CRACR2A: variants seen among roughly 807,000 people sequenced by gnomAD.
CRACR2A encodes the protein calcium release activated channel regulator 2A, also known as EF-hand calcium-binding domain-containing protein 4B.
Under a neutral mutation model 90.5 loss-of-function variants are expected in CRACR2A, and 79 were observed. That is an observed-to-expected ratio of 0.87 (90% CI 0.73 to 1.05). The LOEUF (loss-of-function observed/expected upper bound fraction) is 1.05. Ranked by LOEUF, CRACR2A falls within the 50% of genes least tolerant of loss-of-function variation. The pLI is 0.00. For missense variants in CRACR2A, 823 were observed against 897.2 expected, an observed-to-expected ratio of 0.92 and a Z score of 1.06; for synonymous variants, 338 against 356.7, an observed-to-expected ratio of 0.95 and a Z score of 0.59.
chr12:3,735,746 T>C (rs73247880), intron 1 of CRACR2A, among the ~76,000 whole-genome samples: 23,876 of 152,092 alleles, frequency 0.16, 2,074 homozygotes, highest in African/African-American at 0.2. Context: ...ACAGTGGCCG[T>C]CAGGAGAGAA....
rs74055980 is a variant in CRACR2A at position 3,682,089 on chromosome 12, G to A, written c.229-1740C>T. On this transcript the variant is annotated intron_variant, in intron 4 of 19. Transcript: ENST00000440314. ...AGGAGAGAGTCAATTTTGCAAGCAG[G>A]GATTTTATTAGCATCATTGGAAATA... Among the ~76,000 whole-genome samples the A allele has an allele frequency of 6.0e-3, 918 of 152,262 alleles. 12 individuals are homozygous for A. Among genetic ancestry groups the A allele is most frequent in the African/African-American group, 0.021 (862 of 41,538 alleles).
intron 19 of CRACR2A, among the ~76,000 whole-genome samples, 163 bp downstream of exon 19, chr12:3,616,791 T>C (rs1867692042): frequency 6.6e-6 from 1 of 152,200 alleles, no homozygotes. Flanking sequence ...TGCAATCCCA[T>C]ACAAAGGCCC....
chr12:3,620,526 T>A, intron 17 of CRACR2A, among the ~76,000 whole-genome samples: 1 of 152,248 alleles, frequency 6.6e-6, no homozygotes. Flanking sequence ...ATCTGTGCAT[T>A]CGTTTTTACT....
intron 17 of CRACR2A, among the ~76,000 whole-genome samples, chr12:3,621,717 T>G (rs925434101): frequency 1.7e-5 from 2 of 118,930 alleles, no homozygotes; most frequent in African/African-American, 3.4e-5. Context: ...TAAAGGAGCT[T>G]AGAAGGAGCA....
At chr12:3,643,700 T>C (rs1488975001) in intron 12 of CRACR2A, among the ~76,000 whole-genome samples, 1 of 142,270 alleles carries the variant, frequency 7.0e-6, no homozygotes, top group Non-Finnish European at 1.5e-5. Context: ...TGTGTGTGTA[T>C]ATATATATAT....
Position 3,691,892 on chromosome 12 carries a change from G to T in CRACR2A, c.228+4880C>A, listed in dbSNP as rs186365818. 5.2e-3 allele frequency among the ~76,000 whole-genome samples: 787 copies of T among 152,230 alleles called. 4 individuals carry two copies. Among genetic ancestry groups the T allele is most frequent in the Non-Finnish European group, 6.2e-3 (422 of 68,004 alleles). ...TTGTCTGACTGTCTTATTTCAGAAA[G>T]CCAGTCTTCAAGCTCTGAGATTCCT... On this transcript the variant is annotated intron_variant, in intron 4 of 19. Coordinates refer to ENST00000440314, the MANE Select transcript of CRACR2A (RefSeq NM_001144958.2).
At chr12:3,644,560 G>C in intron 12 of CRACR2A, 35 bp downstream of exon 12, 1 of 1,548,472 alleles carries the variant, frequency 6.5e-7, no homozygotes, top group Non-Finnish European at 8.7e-7. Context: ...CACAGCCCTT[G>C]GTCCCCCACA....
At chr12:3,661,041 T>C (rs374107438) in intron 7 of CRACR2A, among the ~76,000 whole-genome samples, 96 of 152,248 alleles carry the variant, frequency 6.3e-4, no homozygotes, top group African/African-American at 2.2e-3. Context: ...GGAATATATT[T>C]ATTCCCCTGA....
intron 4 of CRACR2A, among the ~76,000 whole-genome samples, chr12:3,685,580 G>A (rs576602422): frequency 2.0e-5 from 3 of 152,280 alleles, no homozygotes; most frequent in East Asian, 1.9e-4. Context: ...CACATGCTAC[G>A]ATACAGATGA....
rs760259289 is a variant in CRACR2A, at chr12:3,696,889, C to A, written c.111G>T (p.Glu37Asp). 3 of 1,614,142 alleles carry A rather than the reference C, an allele frequency of 1.9e-6. No individual in the cohort carries two copies. The highest frequency in any genetic ancestry group is 2.5e-6 in the Non-Finnish European group (3 of 1,180,058). The change falls in exon 4 of 20, where the codon GAG (glutamate) becomes GAT (aspartate). Residue 37 changes from glutamate to aspartate, a missense_variant. Coordinates refer to ENST00000440314, the MANE Select transcript of CRACR2A (RefSeq NM_001144958.2). ...ACGTTTGCTCCTGAGTCTCCTTCTG[C>A]TCCAGGCTGTCCAGGGGATGCAGGC... is the stretch of plus-strand genomic sequence containing the variant. ...GACLHPLDSL[E>D]QKETQEQTSG...
In CRACR2A at chr12:3,654,379, G is replaced by A. The variant is rs746404876; in HGVS notation, c.879C>T (p.Ala293=). ...KQKRLEGQCT[A]LHHDKHETKA... is the part of the protein sequence containing the mutation. ...TGGTCTCATGCTTGTCATGATGCAG[G>A]GCTGTGCACTGACCTTCCAGCTGCA... Residue 293 remains alanine (A), a synonymous_variant, in exon 10 of 20, where the codon GCC becomes GCT. Transcript: ENST00000440314. 1.3e-6 allele frequency: 2 copies of A among 1,597,838 alleles called. No homozygotes were observed. The highest frequency in any genetic ancestry group is 1.7e-6 in the Non-Finnish European group (2 of 1,173,976).
Position 3,656,366 on chromosome 12 carries a change from T to C in CRACR2A, c.803A>G (p.Gln268Arg). 1 of 1,614,170 alleles carries C rather than the reference T, an allele frequency of 6.2e-7. No individual in the cohort carries two copies. Residue 268 changes from glutamine to arginine, a missense_variant, in exon 9 of 20, where the codon CAG becomes CGG. Gln to Arg is a conservative substitution (Grantham distance 43). Transcript: ENST00000440314. ...RFQARSQELE[Q>R]KLLCKEQELE... is the part of the protein sequence containing the mutation. ...CTCCTGCTCCTTACATAACAGTTTC[T>C]GCTCCAGCTCTTGACTGCGGGCTTG...
chr12:3,664,636 T>C (rs1228576260), intron 7 of CRACR2A, among the ~76,000 whole-genome samples: 2 of 152,218 alleles, frequency 1.3e-5, no homozygotes, highest in Non-Finnish European at 2.9e-5. Context: ...CGACAACCTG[T>C]AGCAGAGATC....
intron 3 of CRACR2A, among the ~76,000 whole-genome samples, chr12:3,708,397 T>C (rs1054609537): frequency 6.6e-6 from 1 of 152,308 alleles, no homozygotes; most frequent in African/African-American, 2.4e-5. Flanking sequence ...CCATCCCTTA[T>C]CAGGTTCCCC....
At chr12:3,643,697 GTA>G (rs562173129) in intron 12 of CRACR2A, among the ~76,000 whole-genome samples, 7 of 140,286 alleles carry the variant, frequency 5.0e-5, no homozygotes, top group East Asian at 4.1e-4. Flanking sequence ...GTGTGTGTGT[GTA>G]TATATATATA....
chr12:3,635,167 C>CA (rs1465651650), intron 14 of CRACR2A, among the ~76,000 whole-genome samples: 1 of 152,166 alleles, frequency 6.6e-6, no homozygotes, highest in Non-Finnish European at 1.5e-5. Flanking sequence ...ATAGACACAG[C>CA]AATGGCTCAG....
At chr12:3,666,330 C>CGTGTGCGTGTGTGT (rs1555112059) in intron 7 of CRACR2A, among the ~76,000 whole-genome samples, 1 of 139,582 alleles carries the variant, frequency 7.2e-6, no homozygotes, top group Non-Finnish European at 1.6e-5. Context: ...AGGACGGCTG[C>CGTGTGCGTGTGTGT]GTGTGTGTGT....
intron 14 of CRACR2A, 87 bp downstream of exon 14, chr12:3,638,037 G>C: frequency 2.3e-6 from 3 of 1,329,662 alleles, no homozygotes; most frequent in Non-Finnish European, 3.0e-6. Context: ...CTGACCTCCT[G>C]AGCTGCCTCT....
At chr12:3,707,127 C>T (rs1945938275) in intron 3 of CRACR2A, among the ~76,000 whole-genome samples, 1 of 152,168 alleles carries the variant, frequency 6.6e-6, no homozygotes, top group South Asian at 2.1e-4. Flanking sequence ...ATATGCCCCA[C>T]CAGCCATATA....
Sources: gnomAD v4.1 joint callset for allele counts (sites outside exome capture counted in the v4.1 genomes callset) on GRCh38, gnomAD v4.1.1 for gene constraint, MANE v1.5 for transcripts, NCBI Gene and HGNC (gene_info 2026-07-23, HGNC 2026-07-21) for gene names.